Variants in ERICH1 observed in about 807,000 individuals in gnomAD.
The protein encoded by ERICH1 is glutamate-rich protein 1.
Under a neutral mutation model 39.6 loss-of-function variants are expected in ERICH1, and 56 were observed. That is an observed-to-expected ratio of 1.41 (90% CI 1.14 to 1.77). The LOEUF is 1.77. ERICH1 is among the 40% of genes most tolerant of loss of function. The probability of loss-of-function intolerance (pLI) is 0.00; values close to 1 mark genes in which losing one functional copy is unlikely to be tolerated. For missense variants in ERICH1, 826 were observed against 575.4 expected (o/e 1.44, Z -4.45); for synonymous variants, 313 against 223.6 (o/e 1.40, Z -3.57).
chr8:616,234 C>G (rs1239106393), intron 3 of ERICH1: 1 of 237,042 alleles, frequency 4.2e-6, no homozygotes, highest in African/African-American at 2.3e-5. Context: ...ACGAGTTTCT[C>G]TGTGTTCAAA....
rs568864553 is a variant in ERICH1, at chr8:668,982, C to A, written c.1064-190G>T. ...GCACAAAATACCACTGCATGAACGA[C>A]TGTGGAAACCTGGCCCGTCTACACC... On this transcript the variant is annotated intron_variant, in intron 4 of 5. Transcript: ENST00000262109. 48 of 607,062 alleles carry A rather than the reference C, an allele frequency of 7.9e-5. No homozygotes were observed. In the East Asian group the frequency reaches 1.2e-3, roughly 16 times the overall value. 37.6% of individuals were successfully genotyped at this position (607,062 alleles called of 1,614,324 possible).
intron 4 of ERICH1, 127 bp from the exon 5 acceptor site, chr8:668,919 TG>T (rs1802725459): frequency 1.2e-6 from 1 of 821,602 alleles, no homozygotes; most frequent in Non-Finnish European, 1.9e-6. Flanking sequence ...ATCTGGGAGA[TG>T]AGAAGCTACC....
chr8:726,845 G>A (rs1818844087), intron 1 of ERICH1, among the ~76,000 whole-genome samples: 1 of 151,242 alleles, frequency 6.6e-6, no homozygotes, highest in Non-Finnish European at 1.5e-5. Flanking sequence ...CACCACACAG[G>A]CACATACGTA....
At chr8:620,794 T>G (rs1463084079) in intron 3 of ERICH1, among the ~76,000 whole-genome samples, 1 of 151,948 alleles carries the variant, frequency 6.6e-6, no homozygotes, top group African/African-American at 2.4e-5. Context: ...AGCAAACTGG[T>G]GAAATTGAAG....
intron 2 of ERICH1, among the ~76,000 whole-genome samples, chr8:699,627 A>G (rs1340426719): frequency 6.6e-6 from 1 of 152,204 alleles, no homozygotes; most frequent in Non-Finnish European, 1.5e-5. Context: ...CCAGCATCCA[A>G]GATCTCAACA....
rs563493701 is a variant in ERICH1, at chr8:720,512, A to G, written c.23-4505T>C. On this transcript the variant is annotated intron_variant, in intron 1 of 5. Coordinates refer to ENST00000262109, the MANE Select transcript of ERICH1 (RefSeq NM_207332.3). Reference sequence around the variant, plus strand: ...GCAAACAATACAATTTTAGTATACAATTTTAGTCCTTAACGTTTAAATCCC... The same window carrying G: ...GCAAACAATACAATTTTAGTATACAGTTTTAGTCCTTAACGTTTAAATCCC... Among the ~76,000 whole-genome samples the G allele has an allele frequency of 2.1e-4, 32 of 152,306 alleles. 2 individuals are homozygous for G. The South Asian group carries it at 6.2e-3, about 30-fold the overall frequency.
intron 3 of ERICH1, among the ~76,000 whole-genome samples, chr8:659,037 CCGGTGTG>C: frequency 5.4e-5 from 6 of 110,148 alleles, no homozygotes; most frequent in Admixed American, 9.6e-5. Flanking sequence ...ATCGAGATCT[CCGGTGTG>C]CACTGAGCAT....
intron 1 of ERICH1, among the ~76,000 whole-genome samples, chr8:729,934 T>G (rs1468946825): frequency 2.6e-5 from 4 of 151,976 alleles, no homozygotes; most frequent in Admixed American, 6.6e-5. Context: ...GAGAAGAGTG[T>G]GTTGTGGTTT....
chr8:718,857 G>C (rs997995692), intron 1 of ERICH1, among the ~76,000 whole-genome samples: 1 of 152,202 alleles, frequency 6.6e-6, no homozygotes, highest in Non-Finnish European at 1.5e-5. Context: ...GAGCAGATTC[G>C]AGAGGGGTGG....
chr8:668,910 T>C, intron 4 of ERICH1, 118 bp from the exon 5 acceptor site: 2 of 890,552 alleles, frequency 2.2e-6, no homozygotes, highest in Non-Finnish European at 3.3e-6. Flanking sequence ...GAATGACATA[T>C]CTGGGAGATG....
In ERICH1 at chr8:629,448, G is replaced by C. The variant is rs1274572421; in HGVS notation, c.977-14164C>G. Among the ~76,000 whole-genome samples the C allele has an allele frequency of 5.3e-5, 8 of 150,614 alleles. No homozygotes were observed. The East Asian group carries it at 1.6e-3, about 30-fold the overall frequency. On this transcript the variant is annotated intron_variant, in intron 3 of 3. Transcript: ENST00000522706. ...TGTGAGCACCCACACAGACAGAGCT[G>C]ACTCACACGCTCCCGTGACCACCCA...
chr8:688,268 T>G (rs1177820465), intron 3 of ERICH1, among the ~76,000 whole-genome samples: 10 of 48,162 alleles, frequency 2.1e-4, no homozygotes, highest in African/African-American at 8.4e-4. Context: ...CGCCCCCAGT[T>G]CCGCCCGTCC....
intron 3 of ERICH1, among the ~76,000 whole-genome samples, chr8:686,109 T>C (rs1807295583): frequency 1.3e-5 from 2 of 151,996 alleles, no homozygotes; most frequent in South Asian, 2.1e-4. Context: ...GCAGTGAGAT[T>C]GCGCCACTGC....
intron 3 of ERICH1, among the ~76,000 whole-genome samples, chr8:633,550 C>A (rs1798185240): frequency 6.6e-6 from 1 of 152,182 alleles, no homozygotes; most frequent in Admixed American, 6.5e-5. Flanking sequence ...CCTAAATTCA[C>A]ATGGAATCTC....
Position 731,181 on chromosome 8 carries a change from C to G in ERICH1, c.-20G>C, listed in dbSNP as rs751975998. On this transcript the variant is annotated 5_prime_UTR_variant, in exon 1 of 6. Coordinates refer to ENST00000262109, the MANE Select transcript of ERICH1 (RefSeq NM_207332.3). ...CGCCATGCGGGACCCTGCCGCGGACCTCAGACCACGGCGCGCGGTCCTGAG... is the reference window on the plus strand; with the variant it reads ...CGCCATGCGGGACCCTGCCGCGGACGTCAGACCACGGCGCGCGGTCCTGAG... 2 of 1,500,604 alleles carry G rather than the reference C, an allele frequency of 1.3e-6. No homozygotes were observed. The highest frequency in any genetic ancestry group is 8.9e-7 in the Non-Finnish European group (1 of 1,127,056). 93.0% of individuals were successfully genotyped at this position (1,500,604 alleles called of 1,614,324 possible).
At chr8:628,719 C>T (rs543459646) in intron 3 of ERICH1, among the ~76,000 whole-genome samples, 5 of 152,328 alleles carry the variant, frequency 3.3e-5, no homozygotes, top group Admixed American at 2.6e-4. Flanking sequence ...TGGGCCTTCC[C>T]CTCATCCCCA....
chr8:637,746 C>G (rs889430980), intron 3 of ERICH1, among the ~76,000 whole-genome samples: 1 of 152,226 alleles, frequency 6.6e-6, no homozygotes, highest in African/African-American at 2.4e-5. Flanking sequence ...CTGGCAGTTC[C>G]TACCACAGAA....
chr8:710,992 G>A (rs549044640), intron 2 of ERICH1, among the ~76,000 whole-genome samples: 19 of 152,220 alleles, frequency 1.2e-4, no homozygotes, highest in Admixed American at 2.6e-4. Flanking sequence ...CATCTGCAGT[G>A]ATGAGAGTCC....
chr8:686,024 G>A (rs906048435), intron 3 of ERICH1, among the ~76,000 whole-genome samples: 1 of 150,836 alleles, frequency 6.6e-6, no homozygotes, highest in African/African-American at 2.4e-5. Flanking sequence ...GCTTGGTGTA[G>A]TGGTGCGCAC....
Sources: gnomAD v4.1 joint callset for allele counts (sites outside exome capture counted in the v4.1 genomes callset) on GRCh38, gnomAD v4.1.1 for gene constraint, MANE v1.5 for transcripts, NCBI Gene and HGNC (gene_info 2026-07-23, HGNC 2026-07-21) for gene names.